DPF3: variants seen among roughly 807,000 people sequenced by gnomAD.
DPF3 encodes double PHD fingers 3, also known as zinc finger protein DPF3.
A neutral mutation model predicts 56.8 loss-of-function variants in DPF3; 18 were observed. The ratio of observed to expected loss-of-function variants is 0.32; its 90% CI spans 0.22 to 0.47. The LOEUF (loss-of-function observed/expected upper bound fraction) is 0.47, where lower values mean the gene tolerates loss of function less well. DPF3 is among the 20% of genes least tolerant of loss of function. DPF3 has a pLI of 1.00. For synonymous variants in DPF3, 188 were observed against 180.2 expected, an observed-to-expected ratio of 1.04 and a Z score of -0.35; for missense variants, 403 against 488.8, an observed-to-expected ratio of 0.82 and a Z score of 1.65.
intron 1 of DPF3, among the ~76,000 whole-genome samples, chr14:72,862,333 T>G (rs1885472550): frequency 6.6e-6 from 1 of 152,092 alleles, no homozygotes; most frequent in South Asian, 2.1e-4. Flanking sequence ...GTCCTCACCA[T>G]CACAACAATC....
In DPF3 at chr14:72,764,484, G is replaced by GTTTTT. The variant is rs57886183; in HGVS notation, c.193+7244_193+7248dup. On this transcript the variant is annotated intron_variant, in intron 2 of 10. Transcript: ENST00000556509. ...AGTATGCAAACTATTTTCCTGAGTT[G>GTTTTT]TTTTTTTTTTTTTTTTTTTTTTTTT... 6.3e-3 allele frequency among the ~76,000 whole-genome samples: 333 copies of GTTTTT among 52,798 alleles called. 50 individuals carry two copies. The highest frequency in any genetic ancestry group is 0.022 in the African/African-American group (278 of 12,768). The allele number at this position is 52,798 out of a possible 152,430, so 34.6% of individuals were successfully genotyped here.
rs117830857 is a variant in DPF3, at chr14:72,689,505, C to T, written c.742+3571G>A. 9.4e-3 allele frequency among the ~76,000 whole-genome samples: 1,432 copies of T among 152,242 alleles called. 8 individuals carry two copies. The highest frequency in any genetic ancestry group is 0.017 in the Middle Eastern group (5 of 294). ...CAAAAGCCTCACCAAGGGAGGATCA[C>T]GAAGCTGAGACCTTAGGATGCTGCC... is the stretch of plus-strand genomic sequence containing the variant. On this transcript the variant is annotated intron_variant, in intron 7 of 10. Coordinates refer to ENST00000556509, the MANE Select transcript of DPF3 (RefSeq NM_001280542.3).
intron 1 of DPF3, chr14:72,773,924 T>A (rs1477083765): frequency 4.4e-6 from 2 of 455,494 alleles, no homozygotes; most frequent in Admixed American, 2.4e-5. Flanking sequence ...ATATCTGGGT[T>A]GCTTCCACAT....
At chr14:72,630,774 G>C (rs1167292157) in intron 8 of DPF3, among the ~76,000 whole-genome samples, 1 of 152,218 alleles carries the variant, frequency 6.6e-6, no homozygotes, top group Non-Finnish European at 1.5e-5. Flanking sequence ...GCTTTGCCCA[G>C]TGCCGAGCAC....
intron 1 of DPF3, among the ~76,000 whole-genome samples, chr14:72,871,019 G>A (rs1314630550): frequency 7.0e-6 from 1 of 141,998 alleles, no homozygotes; most frequent in African/African-American, 2.7e-5. Flanking sequence ...GAGGTGAAAG[G>A]CACTTCTTAC....
intron 1 of DPF3, among the ~76,000 whole-genome samples, chr14:72,847,636 C>G (rs571581216): frequency 1.1e-4 from 16 of 152,120 alleles, no homozygotes; most frequent in Admixed American, 3.9e-4. Context: ...CTCAGCCTCC[C>G]GAGTAGCTGG....
rs1238848241 is a variant in DPF3, at chr14:72,614,813, C to T, written c.*4484G>A. On this transcript the variant is annotated 3_prime_UTR_variant, in exon 11 of 11. Coordinates refer to ENST00000556509, the MANE Select transcript of DPF3 (RefSeq NM_001280542.3). ...AAGAGTTACAATCACTGTTCACTCC[C>T]ACCTGCTGCCCTCCAGCTCCTTAGC... Among the ~76,000 whole-genome samples, 2 of 139,460 alleles carry T rather than the reference C, an allele frequency of 1.4e-5. No individual in the cohort carries two copies. The highest frequency in any genetic ancestry group is 3.1e-5 in the Non-Finnish European group (2 of 65,270). The allele number at this position is 139,460 out of a possible 152,430, so 91.5% of individuals were successfully genotyped here. A position where few individuals can be genotyped will look rare whatever the true frequency, so the allele number is the denominator to read the frequency against.
intron 8 of DPF3, among the ~76,000 whole-genome samples, chr14:72,652,773 G>C (rs1885951735): frequency 6.6e-6 from 1 of 152,108 alleles, no homozygotes; most frequent in African/African-American, 2.4e-5. Context: ...GTGGGCCCCA[G>C]AATGCGGGCT....
chr14:72,673,507 A>G (rs1193448942), intron 8 of DPF3, among the ~76,000 whole-genome samples: 1 of 152,258 alleles, frequency 6.6e-6, no homozygotes, highest in Non-Finnish European at 1.5e-5. Flanking sequence ...GGTTAGAACT[A>G]AAAAACAAAA....
At chr14:72,838,908 CTTTTTTTTTTTTTTT>C (rs376458640) in intron 1 of DPF3, among the ~76,000 whole-genome samples, 3 of 78,616 alleles carry the variant, frequency 3.8e-5, no homozygotes, top group African/African-American at 6.9e-5. Flanking sequence ...CATATATATT[CTTTTTTTTTTTTTTT>C]TTTTTTTTTT....
intron 1 of DPF3, among the ~76,000 whole-genome samples, chr14:72,791,776 T>C (rs936602708): frequency 5.3e-5 from 8 of 152,318 alleles, no homozygotes; most frequent in Non-Finnish European, 5.9e-5. Flanking sequence ...ACCTCAAAAC[T>C]ACTAAGTGGA....
chr14:72,771,093 T>G (rs999541711), intron 2 of DPF3, among the ~76,000 whole-genome samples: 35 of 151,892 alleles, frequency 2.3e-4, no homozygotes, highest in African/African-American at 8.2e-4. Context: ...TGAGAATCAC[T>G]TGAACCCGGG....
intron 1 of DPF3, among the ~76,000 whole-genome samples, chr14:72,809,087 C>T (rs1367479321): frequency 6.6e-6 from 1 of 152,176 alleles, no homozygotes; most frequent in African/African-American, 2.4e-5. Context: ...AACACCAGGG[C>T]CCCCTTGGGT....
At chr14:72,643,135 A>T (rs1429465456) in intron 8 of DPF3, among the ~76,000 whole-genome samples, 1 of 152,208 alleles carries the variant, frequency 6.6e-6, no homozygotes. Flanking sequence ...TCACTACACC[A>T]TGTCCTAGGA....
intron 6 of DPF3, among the ~76,000 whole-genome samples, chr14:72,698,826 C>A (rs1398210503): frequency 6.6e-6 from 1 of 152,130 alleles, no homozygotes; most frequent in African/African-American, 2.4e-5. Flanking sequence ...GGATGAGCAT[C>A]TGTATGCATC....
At chr14:72,815,219 C>T (rs567987764) in intron 1 of DPF3, among the ~76,000 whole-genome samples, 1 of 150,662 alleles carries the variant, frequency 6.6e-6, no homozygotes, top group African/African-American at 2.4e-5. Context: ...GGCCAAAAAG[C>T]ACATCAAAAA....
intron 1 of DPF3, among the ~76,000 whole-genome samples, chr14:72,881,045 C>G (rs2140123883): frequency 6.6e-6 from 1 of 152,332 alleles, no homozygotes; most frequent in African/African-American, 2.4e-5. Context: ...CCACCCACAC[C>G]TAAAGACGCA....
chr14:72,644,524 T>C (rs1034690219), intron 8 of DPF3, among the ~76,000 whole-genome samples: 8 of 152,236 alleles, frequency 5.3e-5, no homozygotes, highest in African/African-American at 1.9e-4. Context: ...GTTGGAATAG[T>C]ACAAGAGAAA....
intron 1 of DPF3, among the ~76,000 whole-genome samples, chr14:72,889,355 T>C (rs1886664101): frequency 6.6e-6 from 1 of 152,042 alleles, no homozygotes. Context: ...GCTAATGAGG[T>C]TTGGAGAATT....
Sources: allele counts gnomAD v4.1 joint callset (sites outside exome capture counted in the v4.1 genomes callset), GRCh38; gene constraint gnomAD v4.1.1; transcripts MANE v1.5; gene names NCBI Gene and HGNC (gene_info 2026-07-23, HGNC 2026-07-21).